The following C12orf42 variants were observed in gnomAD, a reference collection of about 807,000 sequenced individuals.
C12orf42 encodes uncharacterized protein C12orf42.
C12orf42 carries 25 observed loss-of-function variants against 21.6 expected under a neutral mutation model. The observed-to-expected ratio is 1.16, with a 90% CI of 0.84 to 1.62. The LOEUF (loss-of-function observed/expected upper bound fraction) is 1.62, where lower values mean the gene tolerates loss of function less well. Ranked by LOEUF, C12orf42 falls within the 40% of genes most tolerant of loss-of-function variation. The probability of loss-of-function intolerance (pLI) is 0.00; values close to 1 mark genes in which losing one functional copy is unlikely to be tolerated. For synonymous variants in C12orf42, 174 were observed against 175.0 expected (o/e 0.99, Z 0.05); for missense variants, 483 against 459.3 (o/e 1.05, Z -0.47).
the C12orf42 span, among the ~76,000 whole-genome samples, chr12:103,513,633 C>G: frequency 6.6e-6 from 1 of 152,204 alleles, no homozygotes; most frequent in Non-Finnish European, 1.5e-5. Context: ...TAATCCAACT[C>G]TGGACCTGCA....
intron 4 of C12orf42, among the ~76,000 whole-genome samples, chr12:103,283,015 A>G (rs554975598): frequency 2.0e-5 from 3 of 152,378 alleles, no homozygotes; most frequent in African/African-American, 7.2e-5. Context: ...GGAAACCAGG[A>G]GGTTCAGCCT....
At chr12:103,145,511 T>C in the C12orf42 span, among the ~76,000 whole-genome samples, 5 of 152,198 alleles carry the variant, frequency 3.3e-5, no homozygotes, top group Admixed American at 2.0e-4. Context: ...ATCACTCTCA[T>C]ACATTATTGG....
At chr12:103,225,854 T>C in the C12orf42 span, among the ~76,000 whole-genome samples, 1 of 152,076 alleles carries the variant, frequency 6.6e-6, no homozygotes, top group Non-Finnish European at 1.5e-5. Context: ...AAGAAGGGGA[T>C]GGGCTTACCT....
chr12:103,388,645 AC>A (rs2046824640), intron 3 of C12orf42, among the ~76,000 whole-genome samples: 1 of 151,698 alleles, frequency 6.6e-6, no homozygotes. Context: ...AGGACATACT[AC>A]CTTTTCTACT....
At position 103,248,565 on chromosome 12, in the gene C12orf42, A is replaced by G. The variant is rs564267152; in HGVS notation, c.*1367-10663T>C. On this transcript the variant is annotated intron_variant and NMD_transcript_variant, in intron 10 of 10. Transcript: ENST00000547347. ...TTTGTTATATTTATACATATATTACATGTATAATATATTTCTGACCCCTTT... is the reference window on the plus strand; with the variant it reads ...TTTGTTATATTTATACATATATTACGTGTATAATATATTTCTGACCCCTTT... Among the ~76,000 whole-genome samples, 137 of 150,556 alleles carry G rather than the reference A, an allele frequency of 9.1e-4. 2 individuals are homozygous for G. In the Middle Eastern group the frequency reaches 0.017, roughly 19 times the overall value.
the C12orf42 span, among the ~76,000 whole-genome samples, chr12:103,121,920 T>C: frequency 6.6e-6 from 1 of 152,352 alleles, no homozygotes; most frequent in East Asian, 1.9e-4. Context: ...GTTTAGATGA[T>C]AGGTTCTGAT....
the C12orf42 span, among the ~76,000 whole-genome samples, chr12:103,080,677 A>T: frequency 6.6e-6 from 1 of 152,298 alleles, no homozygotes. Flanking sequence ...CCAGTGCATC[A>T]TTCTCCTCCT....
At chr12:103,114,387 C>T in the C12orf42 span, among the ~76,000 whole-genome samples, 1 of 152,128 alleles carries the variant, frequency 6.6e-6, no homozygotes. Context: ...TCTGATGGTC[C>T]TCAAGATGTG....
In C12orf42 at chr12:103,327,259, C is replaced by A. The variant is rs557667004; in HGVS notation, c.260-20914G>T. Among the ~76,000 whole-genome samples, 10 of 152,262 alleles carry A rather than the reference C, an allele frequency of 6.6e-5. No individual in the cohort carries two copies. In the South Asian group the frequency reaches 1.0e-3, roughly 16 times the overall value. Reference sequence around the variant, plus strand: ...CGAGAGTACAGCTTTTGTGTCAGGACCTCTTGGGTAAGAAGCCCCAAGCAT... The same window carrying A: ...CGAGAGTACAGCTTTTGTGTCAGGAACTCTTGGGTAAGAAGCCCCAAGCAT... On this transcript the variant is annotated intron_variant, in intron 4 of 5. Transcript: ENST00000548883.
chr12:103,184,131 T>C, the C12orf42 span, among the ~76,000 whole-genome samples: 1 of 152,212 alleles, frequency 6.6e-6, no homozygotes, highest in Non-Finnish European at 1.5e-5. Flanking sequence ...ATTCTGTCAG[T>C]TTCTGGGGAC....
intron 2 of C12orf42, among the ~76,000 whole-genome samples, chr12:103,452,097 G>C (rs529486530): frequency 6.6e-6 from 1 of 151,998 alleles, no homozygotes; most frequent in East Asian, 1.9e-4. Flanking sequence ...TGATAGGTCT[G>C]TGCTTAACAG....
intron 5 of C12orf42, among the ~76,000 whole-genome samples, chr12:103,274,526 C>G (rs1593258352): frequency 6.6e-6 from 1 of 152,110 alleles, no homozygotes; most frequent in Non-Finnish European, 1.5e-5. Context: ...TAGATCATTC[C>G]TCACTTGTTA....
chr12:103,292,976 C>T (rs980225871), intron 4 of C12orf42, among the ~76,000 whole-genome samples: 13 of 151,958 alleles, frequency 8.6e-5, no homozygotes, highest in African/African-American at 2.9e-4. Context: ...AAAGGCCACT[C>T]ACTCTGAAAA....
the C12orf42 span, among the ~76,000 whole-genome samples, chr12:103,100,361 G>T: frequency 6.6e-6 from 1 of 152,242 alleles, no homozygotes; most frequent in Non-Finnish European, 1.5e-5. Flanking sequence ...AAACTGCTGG[G>T]CAGGATGGCG....
At chr12:103,508,501 C>G in the C12orf42 span, among the ~76,000 whole-genome samples, 1 of 152,160 alleles carries the variant, frequency 6.6e-6, no homozygotes, top group African/African-American at 2.4e-5. Flanking sequence ...TAACCAATAA[C>G]TAGAAATGCA....
intron 10 of C12orf42, among the ~76,000 whole-genome samples, chr12:103,242,934 T>C (rs931466771): frequency 1.3e-5 from 2 of 152,170 alleles, no homozygotes; most frequent in Non-Finnish European, 2.9e-5. Flanking sequence ...TGTGTAATAT[T>C]GAAATCATAA....
At chr12:103,500,614 A>ACTGCAAG (rs1955694729), upstream of C12orf42, among the ~76,000 whole-genome samples, 1 of 152,242 alleles carries the variant, frequency 6.6e-6, no homozygotes, top group Admixed American at 6.5e-5. Flanking sequence ...TAAAAACTAT[A>ACTGCAAG]AATATTAATC....
intron 3 of C12orf42, among the ~76,000 whole-genome samples, chr12:103,395,451 T>A (rs1365969785): frequency 6.6e-6 from 1 of 151,402 alleles, no homozygotes; most frequent in East Asian, 2.0e-4. Context: ...TTCTCCCGCC[T>A]CAGCCTCCTG....
downstream of C12orf42, among the ~76,000 whole-genome samples, chr12:103,232,723 A>T (rs2033339878): frequency 6.6e-6 from 1 of 151,868 alleles, no homozygotes; most frequent in Non-Finnish European, 1.5e-5. Context: ...AAAAAAAAAA[A>T]AAAAAGTTCT....
Sources: gnomAD v4.1 joint callset for allele counts (sites outside exome capture counted in the v4.1 genomes callset) on GRCh38, gnomAD v4.1.1 for gene constraint, MANE v1.5 for transcripts, NCBI Gene and HGNC (gene_info 2026-07-23, HGNC 2026-07-21) for gene names.